DNAAF9: variants seen among roughly 807,000 people sequenced by gnomAD.
DNAAF9 encodes dynein axonemal assembly factor 9.
In DNAAF9, 90 loss-of-function variants were observed where a neutral mutation model predicts 167.0. That is an observed-to-expected ratio of 0.54 (90% CI 0.45 to 0.64). DNAAF9 has a LOEUF of 0.64. Among genes scored for constraint, DNAAF9 ranks in the 30% least tolerant of loss-of-function variants. The pLI is 0.00. For missense variants in DNAAF9, 1,315 were observed against 1,442.2 expected, an observed-to-expected ratio of 0.91 and a Z score of 1.43; for synonymous variants, 491 against 508.8, an observed-to-expected ratio of 0.96 and a Z score of 0.47.
chr20:3,352,425 T>C (rs1266307350), intron 7 of DNAAF9, among the ~76,000 whole-genome samples: 1 of 152,224 alleles, frequency 6.6e-6, no homozygotes, highest in Admixed American at 6.5e-5. Flanking sequence ...AATACACTTC[T>C]AGCGCTGCCA....
chr20:3,373,849 G>C (rs181074891), intron 6 of DNAAF9, among the ~76,000 whole-genome samples, 199 bp downstream of exon 6: 6 of 152,296 alleles, frequency 3.9e-5, no homozygotes, highest in Non-Finnish European at 7.4e-5. Flanking sequence ...AGAACTCCAA[G>C]AAGAAAGGAC....
chr20:3,276,856 C>A (rs2068683063), intron 29 of DNAAF9, among the ~76,000 whole-genome samples: 1 of 152,140 alleles, frequency 6.6e-6, no homozygotes, highest in Non-Finnish European at 1.5e-5. Context: ...CAATACTGCC[C>A]CCTAGGCAAA....
chr20:3,253,581 C>A (rs2068228914), intron 36 of DNAAF9, 145 bp downstream of exon 36: 1 of 627,344 alleles, frequency 1.6e-6, no homozygotes, highest in South Asian at 2.0e-5. Context: ...TGCCCCTGTG[C>A]ATTCCTGACC....
In DNAAF9 at chr20:3,298,151, G is replaced by C; in HGVS notation, c.1807C>G (p.Leu603Val). 6.2e-7 allele frequency: 1 copy of C among 1,613,898 alleles called. No individual in the cohort carries two copies. Among genetic ancestry groups the C allele is most frequent in the Non-Finnish European group, 8.5e-7 (1 of 1,179,838 alleles). ...AATGAGCTTTTGAAGTCTATGAGAA[G>C]AGCAGCAACAGTACTGGTGGAATCC... is the stretch of plus-strand genomic sequence containing the variant. ...DGDSTSTVAALLIDFKSSLLP... is the reference protein window; with the variant it reads ...DGDSTSTVAAVLIDFKSSLLP... The change falls in exon 22 of 37, where the codon CTT becomes GTT. Residue 603 changes from leucine (L) to valine (V), a missense_variant. Physicochemically the swap from Leu to Val is conservative, Grantham distance 32. Around this residue, in one of 2 missense-constraint regions of DNAAF9, gnomAD observed 981 missense variants for 1,012.5 expected, o/e 0.97. Coordinates refer to ENST00000252032, the MANE Select transcript of DNAAF9 (RefSeq NM_001009984.3).
chr20:3,391,863 G>A (rs536044271), intron 1 of DNAAF9, among the ~76,000 whole-genome samples: 1 of 152,230 alleles, frequency 6.6e-6, no homozygotes, highest in South Asian at 2.1e-4. Flanking sequence ...ACAGGCGTGA[G>A]CCACCACGCC....
intron 7 of DNAAF9, 86 bp downstream of exon 7, chr20:3,359,430 T>C (rs955556412): frequency 5.6e-6 from 5 of 888,410 alleles, no homozygotes; most frequent in Non-Finnish European, 9.1e-6. Context: ...AAAATATCCT[T>C]TGCATTTCTT....
At chr20:3,345,624 A>G (rs2070177696) in intron 8 of DNAAF9, among the ~76,000 whole-genome samples, 1 of 152,204 alleles carries the variant, frequency 6.6e-6, no homozygotes, top group Admixed American at 6.5e-5. Flanking sequence ...AAGCCATACA[A>G]GTGCTAGAGG....
At chr20:3,282,146 C>T (rs2068774230) in intron 27 of DNAAF9, among the ~76,000 whole-genome samples, 1 of 152,082 alleles carries the variant, frequency 6.6e-6, no homozygotes, top group South Asian at 2.1e-4. Context: ...TCTCTCCTTC[C>T]CACTTCTCAG....
At chr20:3,260,388 C>T (rs1022136609) in intron 31 of DNAAF9, among the ~76,000 whole-genome samples, 3 of 152,240 alleles carry the variant, frequency 2.0e-5, no homozygotes, top group Non-Finnish European at 4.4e-5. Context: ...TTCTCCCTTA[C>T]ATCTATGCCA....
chr20:3,278,786 T>C (rs2068715940), intron 29 of DNAAF9, 126 bp downstream of exon 29: 1 of 794,786 alleles, frequency 1.3e-6, no homozygotes, highest in Non-Finnish European at 2.3e-6. Context: ...GGTGTCAAAG[T>C]TTTTTCTGAC....
In DNAAF9 at chr20:3,335,990, G is replaced by T. The variant is rs576026383; in HGVS notation, c.982-3629C>A. On this transcript the variant is annotated intron_variant, in intron 10 of 36. Transcript: ENST00000252032. Reference sequence around the variant, plus strand: ...ATACAAAAATTAGCCAGGCATGGTGGTGCGCACTTGTAGTCCCAGCTACTT... The same window carrying T: ...ATACAAAAATTAGCCAGGCATGGTGTTGCGCACTTGTAGTCCCAGCTACTT... Among the ~76,000 whole-genome samples, 5 of 152,010 alleles carry T rather than the reference G, an allele frequency of 3.3e-5. No homozygotes were observed. The South Asian group carries it at 1.0e-3, about 32-fold the overall frequency.
intron 10 of DNAAF9, among the ~76,000 whole-genome samples, 165 bp downstream of exon 10, chr20:3,340,339 C>T (rs1163348484): frequency 2.0e-5 from 3 of 151,482 alleles, no homozygotes; most frequent in Non-Finnish European, 2.9e-5. Context: ...AAAAAAAGTA[C>T]AAACAGTTTC....
At chr20:3,375,490 CCCTGAAAAGGGCCCA>C (rs2083563590) in intron 4 of DNAAF9, among the ~76,000 whole-genome samples, 1 of 152,044 alleles carries the variant, frequency 6.6e-6, no homozygotes, top group Non-Finnish European at 1.5e-5. Flanking sequence ...CCAGTCAAAC[CCCTGAAAAGGGCCCA>C]AAGGGAAAGA....
intron 27 of DNAAF9, among the ~76,000 whole-genome samples, chr20:3,286,056 G>A (rs1477592764): frequency 1.3e-5 from 2 of 152,170 alleles, no homozygotes; most frequent in Non-Finnish European, 2.9e-5. Context: ...AGAAGCATCT[G>A]GGATCTCCCA....
chr20:3,284,560 T>C (rs1000677997), intron 27 of DNAAF9, among the ~76,000 whole-genome samples: 3 of 135,522 alleles, frequency 2.2e-5, no homozygotes, highest in African/African-American at 8.6e-5. Flanking sequence ...TCACGTTTGC[T>C]TTCTGTCAGT....
intron 3 of DNAAF9, among the ~76,000 whole-genome samples, chr20:3,379,071 G>A (rs1430242078): frequency 3.3e-5 from 5 of 151,860 alleles, no homozygotes; most frequent in African/African-American, 4.8e-5. Context: ...GCAGAGGAAT[G>A]AGAGTTGGCT....
intron 6 of DNAAF9, among the ~76,000 whole-genome samples, chr20:3,370,169 C>A (rs2083489002): frequency 6.6e-6 from 1 of 152,196 alleles, no homozygotes; most frequent in South Asian, 2.1e-4. Context: ...AAAATGTGAA[C>A]AGGTTTACTC....
Position 3,400,869 on chromosome 20 carries a change from T to C in DNAAF9, c.83+6606A>G, listed in dbSNP as rs118097951. On this transcript the variant is annotated intron_variant, in intron 1 of 36. Transcript: ENST00000252032. ...GAAAAGGAAGTTATATATAGGCCTC[T>C]ATCCCTGGACCAGAAATAAAGCCAT... 6.5e-4 allele frequency among the ~76,000 whole-genome samples: 99 copies of C among 152,330 alleles called. No homozygotes were observed. The East Asian group carries it at 0.019, about 29-fold the overall frequency.
intron 4 of DNAAF9, among the ~76,000 whole-genome samples, chr20:3,375,477 T>C (rs2083563406): frequency 1.3e-5 from 2 of 152,086 alleles, no homozygotes; most frequent in African/African-American, 4.8e-5. Flanking sequence ...CCAAACTTGA[T>C]TTCCAGTCAA....
Sources: gnomAD v4.1 joint callset for allele counts (sites outside exome capture counted in the v4.1 genomes callset) on GRCh38, gnomAD v4.1.1 for gene constraint, gnomAD v4.1.1 regional missense constraint, MANE v1.5 for transcripts, NCBI Gene and HGNC (gene_info 2026-07-23, HGNC 2026-07-21) for gene names.